Variants in PCDH9 observed in about 807,000 individuals in gnomAD.
PCDH9 encodes protocadherin 9, also known as protocadherin-9.
In PCDH9, 24 loss-of-function variants were observed where a neutral mutation model predicts 70.6. That is an observed-to-expected ratio of 0.34 (90% CI 0.25 to 0.48). PCDH9 has a LOEUF of 0.48. Among genes scored for constraint, PCDH9 ranks in the 20% least tolerant of loss-of-function variants. The pLI is 0.99. For missense variants in PCDH9, 1,281 were observed against 1,503.6 expected (o/e 0.85, Z 2.45); for synonymous variants, 562 against 558.5 (o/e 1.01, Z -0.09).
chr13:66,686,521 T>A (rs1004105228), intron 3 of PCDH9, among the ~76,000 whole-genome samples: 2 of 152,216 alleles, frequency 1.3e-5, no homozygotes, highest in Non-Finnish European at 1.5e-5. Context: ...CAATACAATA[T>A]TTGTAATTAA....
chr13:66,622,895 C>G (rs1009106068), intron 4 of PCDH9, among the ~76,000 whole-genome samples: 2 of 152,222 alleles, frequency 1.3e-5, no homozygotes, highest in African/African-American at 2.4e-5. Context: ...AGCTGTAACA[C>G]TCACCGCAAA....
At chr13:66,462,444 G>A (rs984792502) in intron 4 of PCDH9, among the ~76,000 whole-genome samples, 2 of 151,874 alleles carry the variant, frequency 1.3e-5, no homozygotes, top group Non-Finnish European at 2.9e-5. Flanking sequence ...AATGAATTCA[G>A]TAGAAAGATC....
intron 4 of PCDH9, among the ~76,000 whole-genome samples, chr13:66,505,638 C>T (rs553146778): frequency 2.6e-4 from 39 of 152,010 alleles, no homozygotes; most frequent in African/African-American, 8.9e-4. Context: ...GGCAGGCAAG[C>T]GAGTTTGTGT....
chr13:66,966,658 T>C lies in PCDH9; in HGVS notation c.3037-63053A>G, dbSNP rs183906684. 1.6e-3 allele frequency among the ~76,000 whole-genome samples: 242 copies of C among 152,252 alleles called. 1 individual carries two copies. Among genetic ancestry groups the C allele is most frequent in the Middle Eastern group, 0.01 (3 of 294 alleles). ...ATTTCTATAATTCTATGATTTAAGA[T>C]GACATTTTGTTAGCTGCCTTTATAG... On this transcript the variant is annotated intron_variant, in intron 2 of 4. Transcript: ENST00000377865.
intron 2 of PCDH9, among the ~76,000 whole-genome samples, chr13:66,909,715 G>C (rs139446930): frequency 6.6e-6 from 1 of 152,198 alleles, no homozygotes; most frequent in Non-Finnish European, 1.5e-5. Context: ...CTTGCAGTGC[G>C]CTGAGCATTT....
At chr13:67,122,986 A>G (rs990763973) in intron 2 of PCDH9, among the ~76,000 whole-genome samples, 16 of 152,088 alleles carry the variant, frequency 1.1e-4, no homozygotes, top group East Asian at 1.9e-4. Context: ...TAGTCACACT[A>G]TAGAGCTAAT....
intron 2 of PCDH9, among the ~76,000 whole-genome samples, chr13:67,050,348 G>A (rs1173930158): frequency 6.6e-6 from 1 of 152,052 alleles, no homozygotes; most frequent in African/African-American, 2.4e-5. Flanking sequence ...ATGAAAACTG[G>A]TGATCCCACC....
chr13:66,711,895 A>G (rs1378368973), intron 3 of PCDH9, among the ~76,000 whole-genome samples: 1 of 152,134 alleles, frequency 6.6e-6, no homozygotes, highest in African/African-American at 2.4e-5. Flanking sequence ...GATTCAATTC[A>G]AACTCACCAA....
chr13:66,440,531 T>C (rs1363812106), intron 4 of PCDH9, among the ~76,000 whole-genome samples: 1 of 152,074 alleles, frequency 6.6e-6, no homozygotes, highest in Non-Finnish European at 1.5e-5. Flanking sequence ...ATAATAAATA[T>C]AATTTTTATA....
intron 3 of PCDH9, among the ~76,000 whole-genome samples, chr13:66,791,140 C>G (rs1355581830): frequency 1.3e-5 from 2 of 152,058 alleles, no homozygotes; most frequent in Non-Finnish European, 2.9e-5. Flanking sequence ...TATTGTAGCT[C>G]TGTTCATCTG....
At chr13:66,768,916 A>C (rs184459113) in intron 3 of PCDH9, among the ~76,000 whole-genome samples, 254 of 152,202 alleles carry the variant, frequency 1.7e-3, no homozygotes, top group Middle Eastern at 6.8e-3. Flanking sequence ...CAAACAAACA[A>C]AGAAAAGCCC....
chr13:66,935,504 T>C (rs1306193367), intron 2 of PCDH9, among the ~76,000 whole-genome samples: 1 of 152,146 alleles, frequency 6.6e-6, no homozygotes, highest in African/African-American at 2.4e-5. Flanking sequence ...AGTGATACAA[T>C]GTGCAAATAA....
intron 4 of PCDH9, among the ~76,000 whole-genome samples, chr13:66,420,746 GA>G (rs1189806932): frequency 6.6e-6 from 1 of 152,092 alleles, no homozygotes; most frequent in Non-Finnish European, 1.5e-5. Context: ...ACAAAAAGCT[GA>G]AAATTCCAAA....
rs997140630 is a variant in PCDH9, at chr13:66,778,875, G to A, written c.3138+124629C>T. 1.1e-4 allele frequency among the ~76,000 whole-genome samples: 17 copies of A among 152,206 alleles called. No individual in the cohort carries two copies. The East Asian group carries it at 1.9e-3, about 17-fold the overall frequency. On this transcript the variant is annotated intron_variant, in intron 3 of 4. Transcript: ENST00000377865. ...CATGGTTCTTCATCTAGTCACTTCT[G>A]ATAACATAAAACATATTCCCTGGGT...
chr13:66,963,221 C>A (rs1411901249), intron 2 of PCDH9, among the ~76,000 whole-genome samples: 1 of 152,196 alleles, frequency 6.6e-6, no homozygotes, highest in African/African-American at 2.4e-5. Flanking sequence ...TGTTGTGCGG[C>A]CCTGGGCCCC....
At chr13:66,446,696 A>G (rs752016054) in intron 4 of PCDH9, among the ~76,000 whole-genome samples, 12 of 152,046 alleles carry the variant, frequency 7.9e-5, no homozygotes, top group East Asian at 1.9e-4. Context: ...ATTACATGAA[A>G]GAATGTTTAT....
chr13:66,667,998 C>G (rs1034228713), intron 3 of PCDH9, among the ~76,000 whole-genome samples: 2 of 152,160 alleles, frequency 1.3e-5, no homozygotes, highest in Non-Finnish European at 2.9e-5. Context: ...CTTTGCACAT[C>G]TAATTTTACA....
At chr13:66,637,150 T>C (rs1303451442) in intron 3 of PCDH9, among the ~76,000 whole-genome samples, 1 of 152,146 alleles carries the variant, frequency 6.6e-6, no homozygotes, top group African/African-American at 2.4e-5. Context: ...AATCAATGCA[T>C]GCACACATTT....
At chr13:66,752,149 T>C (rs1445313874) in intron 3 of PCDH9, among the ~76,000 whole-genome samples, 1 of 152,114 alleles carries the variant, frequency 6.6e-6, no homozygotes, top group African/African-American at 2.4e-5. Flanking sequence ...TCTTGGCTTT[T>C]TCGTGGAACT....
Sources: gnomAD v4.1 joint callset for allele counts (sites outside exome capture counted in the v4.1 genomes callset) on GRCh38, gnomAD v4.1.1 for gene constraint, MANE v1.5 for transcripts, NCBI Gene and HGNC (gene_info 2026-07-23, HGNC 2026-07-21) for gene names.